Variants in LRWD1 observed in about 807,000 individuals in gnomAD.
LRWD1 encodes leucine rich repeats and WD repeat domain containing 1, also known as leucine-rich repeat and WD repeat-containing protein 1.
LRWD1 carries 76 observed loss-of-function variants against 75.6 expected under a neutral mutation model. The ratio of observed to expected loss-of-function variants is 1.01; its 90% CI spans 0.84 to 1.22. The LOEUF (loss-of-function observed/expected upper bound fraction) is 1.22. Ranked by LOEUF, LRWD1 falls within the 50% of genes most tolerant of loss-of-function variation. LRWD1 has a pLI of 0.00. For synonymous variants in LRWD1, 487 were observed against 377.0 expected, an observed-to-expected ratio of 1.29 and a Z score of -3.38; for missense variants, 917 against 862.0, an observed-to-expected ratio of 1.06 and a Z score of -0.80.
chr7:102,469,341 T>C (rs1798117071), intron 9 of LRWD1, among the ~76,000 whole-genome samples: 1 of 152,148 alleles, frequency 6.6e-6, no homozygotes, highest in Non-Finnish European at 1.5e-5. Context: ...GTGGCGCCCC[T>C]GTCAAGGGGG....
At chr7:102,472,668 C>T in intron 13 of LRWD1, 24 bp from the exon 14 acceptor site, 1 of 1,612,962 alleles carries the variant, frequency 6.2e-7, no homozygotes, top group Non-Finnish European at 8.5e-7. Context: ...TGCCCCCACT[C>T]AGACTCCACC....
rs562725725 is a variant in LRWD1 at position 102,473,108 on chromosome 7, G to A, written c.*59G>A. 52 of 1,417,572 alleles carry A rather than the reference G, an allele frequency of 3.7e-5. No homozygotes were observed. In the East Asian group the frequency reaches 6.9e-4, roughly 19 times the overall value. 87.8% of individuals were successfully genotyped at this position (1,417,572 alleles called of 1,614,324 possible). Reference sequence around the variant, plus strand: ...TAACTAACTTATTCAGCTTTGGGCCGATGGGGGTGGGGGGGGGTCTTTCAG... The same window carrying A: ...TAACTAACTTATTCAGCTTTGGGCCAATGGGGGTGGGGGGGGGTCTTTCAG... On this transcript the variant is annotated 3_prime_UTR_variant, in exon 15 of 15. Transcript: ENST00000292616.
chr7:102,469,103 C>T (rs768450766), intron 9 of LRWD1, 41 bp downstream of exon 9: 55 of 1,513,452 alleles, frequency 3.6e-5, no homozygotes, highest in Admixed American at 1.0e-4. Flanking sequence ...CCAAGCACCC[C>T]TGTCCTGCTG....
At position 102,465,170 on chromosome 7, in the gene LRWD1, G is replaced by C. The variant is rs571987032; in HGVS notation, c.80+10G>C. On this transcript the variant is annotated intron_variant, in intron 1 of 14. Transcript: ENST00000292616. ...AGATCCGGAGTCTGGAGTAAGAGCC[G>C]GGCAGCGGGTGAGGCTGTGTCCTCG... 270 of 1,490,350 alleles carry C rather than the reference G, an allele frequency of 1.8e-4. No homozygotes were observed. The highest frequency in any genetic ancestry group is 2.2e-4 in the Non-Finnish European group (252 of 1,122,646). 92.3% of individuals were successfully genotyped at this position (1,490,350 alleles called of 1,614,324 possible).
rs894062751 is a variant in LRWD1, at chr7:102,471,905, C to T, written c.1443-313C>T. On this transcript the variant is annotated intron_variant, in intron 11 of 14. Coordinates refer to ENST00000292616, the MANE Select transcript of LRWD1 (RefSeq NM_152892.3). ...ACTTGGCTGCCAGGAGGCCCCTGTT[C>T]ATCTCACACTCGGTCCCAGAGGCAC... The T allele has an allele frequency of 9.0e-6, 3 of 334,254 alleles. 1 individual carries two copies. Among genetic ancestry groups the T allele is most frequent in the Non-Finnish European group, 1.7e-5 (3 of 175,370 alleles). The allele number at this position is 334,254 out of a possible 1,614,324, so 20.7% of individuals were successfully genotyped here. A position where few individuals can be genotyped will look rare whatever the true frequency, so the allele number is the denominator to read the frequency against.
At position 102,472,244 on chromosome 7, in the gene LRWD1, C is replaced by G. The variant is rs1228710770; in HGVS notation, c.1469C>G (p.Ser490Cys). Reference sequence around the variant, plus strand: ...GTGTGTGAAGTGGAATTCGTCTTCTCTGAGGGCTCCGAGGCATCTGGACGG... The same window carrying G: ...GTGTGTGAAGTGGAATTCGTCTTCTGTGAGGGCTCCGAGGCATCTGGACGG... ...RRVCEVEFVF[S>C]EGSEASGRRV... The change falls in exon 12 of 15, where the codon TCT becomes TGT. Residue 490 changes from serine (S) to cysteine (C), a missense_variant. Transcript: ENST00000292616. 1.9e-6 allele frequency: 3 copies of G among 1,596,572 alleles called. No homozygotes were observed. Among genetic ancestry groups the G allele is most frequent in the African/African-American group, 2.7e-5 (2 of 74,706 alleles).
rs147900518 is a variant in LRWD1 at position 102,472,926 on chromosome 7, G to A, written c.1821G>A (p.Gln607=). Residue 607 remains glutamine (Q), a synonymous_variant, in exon 15 of 15, where the codon CAG becomes CAA. Coordinates refer to ENST00000292616, the MANE Select transcript of LRWD1 (RefSeq NM_152892.3). ...CCCACCAGATCCTGAAGTGGCCCCA[G>A]CCCTGGGCCCTTGGCCAGGTGGTGA... ...QAPTQILKWP[Q]PWALGQVVTK... is the part of the protein sequence containing the mutation. The A allele has an allele frequency of 1.9e-6, 3 of 1,613,522 alleles. No homozygotes were observed. The highest frequency in any genetic ancestry group is 2.2e-5 in the South Asian group (2 of 91,072).
chr7:102,471,405 A>C, intron 11 of LRWD1: 1 of 154,564 alleles, frequency 6.5e-6, no homozygotes, highest in Middle Eastern at 5.2e-4. Context: ...CAAACAGCCC[A>C]GGAGGAGCTT....
In LRWD1 at chr7:102,472,509, G is replaced by C. The variant is rs200423098; in HGVS notation, c.1590G>C (p.Trp530Cys). 3.2e-6 allele frequency: 5 copies of C among 1,555,208 alleles called. No individual in the cohort carries two copies. The highest frequency in any genetic ancestry group is 4.3e-6 in the Non-Finnish European group (5 of 1,151,054). ...TICLWSWRQT[W>C]GGRGSQSTVA... is the part of the protein sequence containing the mutation. Reference sequence around the variant, plus strand: ...GCCTGTGGAGCTGGAGGCAGACGTGGGGGGGCCGGGGCAGCCAGTCCACGG... The same window carrying C: ...GCCTGTGGAGCTGGAGGCAGACGTGCGGGGGCCGGGGCAGCCAGTCCACGG... The change falls in exon 13 of 15, where the codon TGG becomes TGC. Residue 530 changes from tryptophan to cysteine, a missense_variant. By Grantham distance (215) the Trp-to-Cys change is radical. Coordinates refer to ENST00000292616, the MANE Select transcript of LRWD1 (RefSeq NM_152892.3).
At chr7:102,471,915 T>C in intron 11 of LRWD1, 1 of 350,252 alleles carries the variant, frequency 2.9e-6, no homozygotes, top group South Asian at 2.7e-5. Flanking sequence ...CATCTCACAC[T>C]CGGTCCCAGA....
chr7:102,466,760 CTTTTT>C (rs71106685), intron 3 of LRWD1, among the ~76,000 whole-genome samples: 1 of 53,050 alleles, frequency 1.9e-5, no homozygotes, highest in African/African-American at 8.9e-5. Flanking sequence ...TCTTTTTTAC[CTTTTT>C]TTTTTTTTTT....
intron 10 of LRWD1, 31 bp downstream of exon 10, chr7:102,469,677 C>T (rs1215309460): frequency 1.2e-6 from 2 of 1,614,026 alleles, no homozygotes; most frequent in East Asian, 4.5e-5. Flanking sequence ...GGGGAGTGGC[C>T]AGCTGCTGGG....
rs767057237 is a variant in LRWD1 at position 102,468,271 on chromosome 7, G to A, written c.813G>A (p.Val271=). Residue 271 remains valine (V), a synonymous_variant, in exon 7 of 15, where the codon GTG becomes GTA. Transcript: ENST00000292616. Reference sequence around the variant, plus strand: ...CTTCTCTCCCCCCACAGCCTGCTGTGAAGCTGGAGCCCCTGCACTTCCTGC... The same window carrying A: ...CTTCTCTCCCCCCACAGCCTGCTGTAAAGCTGGAGCCCCTGCACTTCCTGC... ...VAGSDGSQPA[V]KLEPLHFLQC... 1.9e-6 allele frequency: 3 copies of A among 1,608,294 alleles called. No individual in the cohort carries two copies. The African/African-American group carries it at 4.0e-5, about 21-fold the overall frequency.
Position 102,473,095 on chromosome 7 carries a change from T to C in LRWD1, c.*46T>C. The C allele has an allele frequency of 2.2e-6, 3 of 1,344,536 alleles. No individual in the cohort carries two copies. Among genetic ancestry groups the C allele is most frequent in the Non-Finnish European group, 3.1e-6 (3 of 976,218 alleles). 83.3% of individuals were successfully genotyped at this position (1,344,536 alleles called of 1,614,324 possible). A position where few individuals can be genotyped will look rare whatever the true frequency, so the allele number is the denominator to read the frequency against. ...CCAGGGACACAGCTAACTAACTTAT[T>C]CAGCTTTGGGCCGATGGGGGTGGGG... On this transcript the variant is annotated 3_prime_UTR_variant, in exon 15 of 15. Coordinates refer to ENST00000292616, the MANE Select transcript of LRWD1 (RefSeq NM_152892.3).
At position 102,469,727 on chromosome 7, in the gene LRWD1, C is replaced by A. The variant is rs1377593991; in HGVS notation, c.1302-15C>A. On this transcript the variant is annotated splice_polypyrimidine_tract_variant and intron_variant, in intron 10 of 14. Coordinates refer to ENST00000292616, the MANE Select transcript of LRWD1 (RefSeq NM_152892.3). ...GTCTGGGTCTGATGCTCTGTTCCCC[C>A]TTGCCCACTGGCAGCCAGCTGCTCA... 6.2e-7 allele frequency: 1 copy of A among 1,610,146 alleles called. No homozygotes were observed. Among genetic ancestry groups the A allele is most frequent in the African/African-American group, 1.3e-5 (1 of 74,896 alleles).
chr7:102,466,322 A>G, intron 3 of LRWD1, 52 bp downstream of exon 3: 1 of 1,426,422 alleles, frequency 7.0e-7, no homozygotes, highest in Non-Finnish European at 9.9e-7. Context: ...GGGCATTGGG[A>G]GAATGATAGA....
intron 11 of LRWD1, 183 bp downstream of exon 11, chr7:102,470,065 G>C (rs1798140605): frequency 8.0e-6 from 6 of 748,076 alleles, no homozygotes; most frequent in Non-Finnish European, 1.2e-5. Flanking sequence ...CTCTGACCCT[G>C]CTCTCACCCT....
chr7:102,468,784 A>C, intron 8 of LRWD1, 71 bp from the exon 9 acceptor site: 1 of 1,562,108 alleles, frequency 6.4e-7, no homozygotes, highest in Non-Finnish European at 8.7e-7. Flanking sequence ...TCCCTCCCCC[A>C]GGCCCGGGCT....
intron 3 of LRWD1, among the ~76,000 whole-genome samples, chr7:102,466,760 CTTTTTTTTTTTTTTTTTTTT>C (rs71106685): frequency 7.5e-5 from 4 of 53,050 alleles, no homozygotes; most frequent in Non-Finnish European, 6.4e-5. Flanking sequence ...TCTTTTTTAC[CTTTTTTTTTTTTTTTTTTTT>C]TTTTTTTTTT....
Sources: allele counts gnomAD v4.1 joint callset (sites outside exome capture counted in the v4.1 genomes callset), GRCh38; gene constraint gnomAD v4.1.1; transcripts MANE v1.5; gene names NCBI Gene and HGNC (gene_info 2026-07-23, HGNC 2026-07-21).